The following DRD3 variants were observed in gnomAD, a reference collection of about 807,000 sequenced individuals.
DRD3 encodes the protein dopamine receptor D3, also known as D(3) dopamine receptor.
DRD3 carries 19 observed loss-of-function variants against 36.3 expected under a neutral mutation model. The ratio of observed to expected loss-of-function variants is 0.52; its 90% CI spans 0.36 to 0.77. The LOEUF (loss-of-function observed/expected upper bound fraction) is 0.77, where lower values mean the gene tolerates loss of function less well. Ranked by LOEUF, DRD3 falls within the 30% of genes least tolerant of loss-of-function variation. The probability of loss-of-function intolerance (pLI) is 0.00; values close to 1 mark genes in which losing one functional copy is unlikely to be tolerated. For missense variants in DRD3, 465 were observed against 505.3 expected, an observed-to-expected ratio of 0.92 and a Z score of 0.77; for synonymous variants, 195 against 203.7, an observed-to-expected ratio of 0.96 and a Z score of 0.36.
At chr3:114,182,806 A>C (rs1560003349), upstream of DRD3, among the ~76,000 whole-genome samples, 1 of 152,160 alleles carries the variant, frequency 6.6e-6, no homozygotes, top group Non-Finnish European at 1.5e-5. Context: ...CTCAAAATTC[A>C]TTGATATTGA....
intron 5 of DRD3, among the ~76,000 whole-genome samples, chr3:114,137,650 C>G (rs1442387848): frequency 2.0e-5 from 3 of 152,020 alleles, no homozygotes; most frequent in Non-Finnish European, 4.4e-5. Flanking sequence ...CATTATAGAC[C>G]AGCCTAGCCA....
chr3:114,184,862 C>A lies in DRD3; in HGVS notation c.-155-6086G>T, dbSNP rs370981891. Among the ~76,000 whole-genome samples, 15 of 152,308 alleles carry A rather than the reference C, an allele frequency of 9.8e-5. No homozygotes were observed. The East Asian group carries it at 2.9e-3, about 29-fold the overall frequency. On this transcript the variant is annotated intron_variant, in intron 1 of 7. Coordinates refer to the DRD3 transcript ENST00000460779. ...TATATGTGTGAGTCACTGCAACTGA[C>A]CTCCTTCACTTTTGAAGGACAATTG... is the stretch of plus-strand genomic sequence containing the variant.
rs2077391823 is a variant in DRD3, at chr3:114,127,597, TAGTC to T, written c.*1115_*1118del. ...ATAGTAAATACATAAACCAGTAACATAGTCATTTATTATCAATATTAAGTATTAC... is the reference window on the plus strand; with the variant it reads ...ATAGTAAATACATAAACCAGTAACATATTTATTATCAATATTAAGTATTAC... On this transcript the variant is annotated 3_prime_UTR_variant, in exon 7 of 7. Transcript: ENST00000383673. Among the ~76,000 whole-genome samples the T allele has an allele frequency of 6.6e-6, 1 of 152,250 alleles. No homozygotes were observed. The highest frequency in any genetic ancestry group is 1.5e-5 in the Non-Finnish European group (1 of 68,050).
intron 5 of DRD3, among the ~76,000 whole-genome samples, chr3:114,138,632 G>A (rs1490058530): frequency 6.6e-6 from 1 of 152,178 alleles, no homozygotes; most frequent in Non-Finnish European, 1.5e-5. Flanking sequence ...TGGGGACACA[G>A]CCAAACCATA....
chr3:114,178,056 TG>T (rs2077917921), intron 1 of DRD3, among the ~76,000 whole-genome samples: 1 of 152,176 alleles, frequency 6.6e-6, no homozygotes, highest in Non-Finnish European at 1.5e-5. Context: ...TGACTTCTGT[TG>T]CCCCAGTAAG....
intron 5 of DRD3, among the ~76,000 whole-genome samples, chr3:114,135,851 G>A (rs141353003): frequency 0.014 from 2,128 of 151,998 alleles, 27 homozygotes; most frequent in South Asian, 0.037. Context: ...CACCATGCCC[G>A]GCTAATTTTT....
chr3:114,136,479 A>G (rs550606088), intron 5 of DRD3, among the ~76,000 whole-genome samples: 1 of 151,322 alleles, frequency 6.6e-6, no homozygotes, highest in South Asian at 2.1e-4. Context: ...AATTCTCCAC[A>G]CTCTTGGAAA....
intron 3 of DRD3, among the ~76,000 whole-genome samples, chr3:114,149,601 A>G (rs552467128): frequency 2.0e-5 from 3 of 152,174 alleles, no homozygotes; most frequent in Non-Finnish European, 4.4e-5. Flanking sequence ...CACTCCTGTG[A>G]TCAGATTACT....
intron 4 of DRD3, among the ~76,000 whole-genome samples, chr3:114,146,216 A>C (rs564699037): frequency 6.6e-6 from 1 of 152,336 alleles, no homozygotes; most frequent in East Asian, 1.9e-4. Flanking sequence ...CATACACACA[A>C]GCACATGGCT....
rs1011580966 is a variant in DRD3 at position 114,168,437 on chromosome 3, AT to A, written c.270+3285del. On this transcript the variant is annotated intron_variant, in intron 2 of 6. Transcript: ENST00000383673. ...TTTTATAAATAAAACACACGTTTTC[AT>A]TTTTTCTTTTTTAGCTTCCTTTGCA... 7.2e-5 allele frequency among the ~76,000 whole-genome samples: 11 copies of A among 152,114 alleles called. No individual in the cohort carries two copies. The East Asian group carries it at 2.1e-3, about 29-fold the overall frequency.
In DRD3 at chr3:114,178,908, T is replaced by C. The variant is rs182068801; in HGVS notation, c.-287A>G. On this transcript the variant is annotated 5_prime_UTR_variant, in exon 1 of 7. Coordinates refer to ENST00000383673, the MANE Select transcript of DRD3 (RefSeq NM_000796.6). ...TGCTTTCGAATGTATCCGTTTTCTTTAGAGGATTTGGGAGGGACCCTAAAC... is the reference window on the plus strand; with the variant it reads ...TGCTTTCGAATGTATCCGTTTTCTTCAGAGGATTTGGGAGGGACCCTAAAC... The C allele has an allele frequency of 6.6e-6, 1 of 152,180 alleles. No homozygotes were observed. The highest frequency in any genetic ancestry group is 1.5e-5 in the Non-Finnish European group (1 of 68,042). The allele number at this position is 152,180 out of a possible 1,614,324, so 9.4% of individuals were successfully genotyped here.
At chr3:114,129,113 C>T (rs899278830) in intron 6 of DRD3, among the ~76,000 whole-genome samples, 6 of 152,108 alleles carry the variant, frequency 3.9e-5, no homozygotes, top group Admixed American at 1.3e-4. Context: ...GAGGCCGAGG[C>T]GGGTGGATCA....
intron 3 of DRD3, among the ~76,000 whole-genome samples, 195 bp downstream of exon 3, chr3:114,159,560 T>C (rs1223776775): frequency 1.3e-5 from 2 of 152,110 alleles, no homozygotes. Context: ...GGAAAGCTTA[T>C]AGGGTCGTTA....
chr3:114,189,425 G>C (rs1362588928), intron 1 of DRD3, among the ~76,000 whole-genome samples: 1 of 152,166 alleles, frequency 6.6e-6, no homozygotes, highest in Non-Finnish European at 1.5e-5. Context: ...TTGAGCCTCA[G>C]TTCCCTTATT....
Position 114,147,500 on chromosome 3 carries a change from A to G in DRD3, c.441T>C (p.Cys147=), listed in dbSNP as rs202128289. ...HYQHGTGQSS[C]RRVALMITAV... Reference sequence around the variant, plus strand: ...CCGTGATCATGAGGGCCACGCGCCGACAGGAGCTCTGTCCCGTGCCATGCT... The same window carrying G: ...CCGTGATCATGAGGGCCACGCGCCGGCAGGAGCTCTGTCCCGTGCCATGCT... Residue 147 remains cysteine, a synonymous_variant, in exon 4 of 7, where the codon TGT becomes TGC. Coordinates refer to ENST00000383673, the MANE Select transcript of DRD3 (RefSeq NM_000796.6). 29 of 1,613,986 alleles carry G rather than the reference A, an allele frequency of 1.8e-5. No individual in the cohort carries two copies. The highest frequency in any genetic ancestry group is 2.2e-5 in the Non-Finnish European group (26 of 1,180,026).
chr3:114,132,491 T>A (rs1306907179), intron 5 of DRD3, among the ~76,000 whole-genome samples: 1 of 151,728 alleles, frequency 6.6e-6, no homozygotes, highest in Non-Finnish European at 1.5e-5. Flanking sequence ...GGTTGATAGA[T>A]TCAGCAAACC....
chr3:114,166,765 C>T (rs1455853571), intron 2 of DRD3, among the ~76,000 whole-genome samples: 1 of 152,150 alleles, frequency 6.6e-6, no homozygotes, highest in Non-Finnish European at 1.5e-5. Flanking sequence ...TATGAGACTC[C>T]AAGACTCATC....
At chr3:114,138,539 C>T (rs2077495721) in intron 5 of DRD3, among the ~76,000 whole-genome samples, 1 of 152,068 alleles carries the variant, frequency 6.6e-6, no homozygotes, top group African/African-American at 2.4e-5. Context: ...AAAGACCCAC[C>T]CCCATCATTC....
At chr3:114,183,796 C>T (rs2077960625), upstream of DRD3, among the ~76,000 whole-genome samples, 1 of 152,010 alleles carries the variant, frequency 6.6e-6, no homozygotes. Context: ...TTTTCACTTT[C>T]AACCTATTGT....
Sources: gnomAD v4.1 joint callset for allele counts (sites outside exome capture counted in the v4.1 genomes callset) on GRCh38, gnomAD v4.1.1 for gene constraint, MANE v1.5 for transcripts, NCBI Gene and HGNC (gene_info 2026-07-23, HGNC 2026-07-21) for gene names.